Variants in GRB10 observed in about 807,000 individuals in gnomAD.
GRB10 encodes growth factor receptor bound protein 10.
Under a neutral mutation model 80.9 loss-of-function variants are expected in GRB10, and 20 were observed. The ratio of observed to expected loss-of-function variants is 0.25; its 90% confidence interval spans 0.17 to 0.36. The LOEUF (loss-of-function observed/expected upper bound fraction) is 0.36. Ranked by LOEUF, GRB10 falls within the 10% of genes least tolerant of loss-of-function variation. The probability of loss-of-function intolerance (pLI) is 1.00; values close to 1 mark genes in which losing one functional copy is unlikely to be tolerated. For synonymous variants in GRB10, 291 were observed against 291.5 expected (o/e 1.00, Z 0.02); for missense variants, 548 against 747.7 (o/e 0.73, Z 3.12).
intron 8 of GRB10, among the ~76,000 whole-genome samples, chr7:50,621,665 A>G (rs2237441): frequency 0.44 from 66,257 of 152,118 alleles, 16,317 homozygotes; most frequent in South Asian, 0.57. Context: ...TTTTCAAATG[A>G]CCTTGCATGA....
intron 2 of GRB10, among the ~76,000 whole-genome samples, chr7:50,763,193 T>C (rs565621139): frequency 6.6e-6 from 1 of 151,932 alleles, no homozygotes; most frequent in South Asian, 2.1e-4. Flanking sequence ...ATCTCTTCTT[T>C]ACTGAAATAA....
intron 10 of GRB10, 137 bp from the exon 11 acceptor site, chr7:50,616,484 C>T (rs552721881): frequency 1.6e-5 from 13 of 821,578 alleles, no homozygotes; most frequent in Admixed American, 4.7e-5. Flanking sequence ...TTCTCCTTTC[C>T]AAAGTCTTAA....
chr7:50,669,772 G>A lies in GRB10; in HGVS notation c.454C>T (p.Pro152Ser), dbSNP rs200175899. ...FPELCGPGSP[P>S]VLTPGSLPPS... is the part of the protein sequence containing the mutation. Reference sequence around the variant, plus strand: ...GGTAAAGAACCCGGCGTGAGCACAGGGGGGCTCCCAGGGCCACAGAGTTCA... The same window carrying A: ...GGTAAAGAACCCGGCGTGAGCACAGAGGGGCTCCCAGGGCCACAGAGTTCA... The change falls in exon 7 of 19, where the codon CCT becomes TCT. Residue 152 changes from proline (P) to serine (S), a missense_variant. Pro to Ser is a moderately conservative substitution (Grantham distance 74, BLOSUM62 -1). Coordinates refer to ENST00000401949, the MANE Select transcript of GRB10 (RefSeq NM_001350814.2). The A allele has an allele frequency of 3.7e-6, 6 of 1,613,848 alleles. No individual in the cohort carries two copies. Among genetic ancestry groups the A allele is most frequent in the African/African-American group, 2.7e-5 (2 of 74,946 alleles).
chr7:50,628,258 G>A (rs1367458670), intron 7 of GRB10, among the ~76,000 whole-genome samples: 2 of 152,194 alleles, frequency 1.3e-5, no homozygotes, highest in East Asian at 3.9e-4. Flanking sequence ...TGGCAGCTTT[G>A]GAGCTGGATC....
At position 50,710,850 on chromosome 7, in the gene GRB10, T is replaced by A. The variant is rs1052910748; in HGVS notation, c.52-6942A>T. 4 of 1,611,710 alleles carry A rather than the reference T, an allele frequency of 2.5e-6. No homozygotes were observed. The African/African-American group carries it at 4.0e-5, about 16-fold the overall frequency. ...TTGCCCAGCAACTAAAGGTACTGAG[T>A]GTTCGGTAGACAGCGGGCACTGACC... On this transcript the variant is annotated intron_variant, in intron 4 of 18. Transcript: ENST00000401949.
At chr7:50,692,277 G>A (rs1442370527) in intron 5 of GRB10, among the ~76,000 whole-genome samples, 1 of 151,170 alleles carries the variant, frequency 6.6e-6, no homozygotes, top group African/African-American at 2.5e-5. Flanking sequence ...CAGATATCAA[G>A]GGACAACTGT....
chr7:50,664,226 C>A (rs1023332360), intron 7 of GRB10, among the ~76,000 whole-genome samples: 2 of 152,234 alleles, frequency 1.3e-5, no homozygotes, highest in Admixed American at 1.3e-4. Flanking sequence ...CCGAGAAGGC[C>A]TTTGGGACAG....
At chr7:50,638,374 C>T (rs2329488) in intron 7 of GRB10, among the ~76,000 whole-genome samples, 80,105 of 151,922 alleles carry the variant, frequency 0.53, 21,243 homozygotes, top group Admixed American at 0.54. Context: ...GAATCTAAAA[C>T]GAACTCAAAC....
rs1399391436 is a variant in GRB10, at chr7:50,741,996, A to G, written c.-46-9628T>C. ...AGAAATAAATTTTGAACATTACTGA[A>G]ATTTTAATTTTTACAAAAAAAAAAA... On this transcript the variant is annotated intron_variant, in intron 3 of 18. Coordinates refer to ENST00000401949, the MANE Select transcript of GRB10 (RefSeq NM_001350814.2). Among the ~76,000 whole-genome samples the G allele has an allele frequency of 2.6e-5, 4 of 152,004 alleles. No homozygotes were observed. In the East Asian group the frequency reaches 7.7e-4, roughly 29 times the overall value.
intron 5 of GRB10, among the ~76,000 whole-genome samples, chr7:50,689,937 T>C (rs545809154): frequency 2.6e-5 from 4 of 151,840 alleles, no homozygotes; most frequent in Non-Finnish European, 5.9e-5. Flanking sequence ...GGAAGCATTC[T>C]ACTTATCTGG....
chr7:50,683,863 C>T (rs1394039411), intron 5 of GRB10, among the ~76,000 whole-genome samples: 1 of 151,950 alleles, frequency 6.6e-6, no homozygotes, highest in Admixed American at 6.6e-5. Context: ...TGAATTGTTC[C>T]CAGGTTACCC....
chr7:50,694,169 C>T (rs2063164807), intron 5 of GRB10, among the ~76,000 whole-genome samples: 1 of 152,150 alleles, frequency 6.6e-6, no homozygotes, highest in Admixed American at 6.5e-5. Flanking sequence ...ACCCAAAATA[C>T]AAAAATTAGC....
chr7:50,605,038 C>A, intron 15 of GRB10: 1 of 541,720 alleles, frequency 1.8e-6, no homozygotes, highest in Non-Finnish European at 3.3e-6. Flanking sequence ...CCACGGAGGG[C>A]AGAGAACTCT....
chr7:50,731,100 A>T (rs891544863), intron 4 of GRB10, among the ~76,000 whole-genome samples: 3 of 152,182 alleles, frequency 2.0e-5, no homozygotes, highest in African/African-American at 7.2e-5. Context: ...CAAGAAGACA[A>T]TTATGCAGAG....
chr7:50,691,459 T>C (rs978414700), intron 5 of GRB10, among the ~76,000 whole-genome samples: 5 of 152,202 alleles, frequency 3.3e-5, no homozygotes, highest in Admixed American at 3.3e-4. Context: ...GCCTACCTCA[T>C]AGGATAGGTA....
At chr7:50,686,538 A>G (rs2062123296) in intron 5 of GRB10, among the ~76,000 whole-genome samples, 2 of 152,192 alleles carry the variant, frequency 1.3e-5, no homozygotes, top group Admixed American at 6.5e-5. Flanking sequence ...GTTTTGATGA[A>G]CAAAGTATGG....
At chr7:50,693,677 G>A (rs1449449629) in intron 5 of GRB10, among the ~76,000 whole-genome samples, 1 of 152,048 alleles carries the variant, frequency 6.6e-6, no homozygotes, top group Non-Finnish European at 1.5e-5. Flanking sequence ...GCTTTACTAC[G>A]ACAATCACAC....
At chr7:50,707,382 C>T (rs1384640779) in intron 4 of GRB10, among the ~76,000 whole-genome samples, 1 of 152,192 alleles carries the variant, frequency 6.6e-6, no homozygotes, top group South Asian at 2.1e-4. Flanking sequence ...TTACACACAT[C>T]CAAGTGTTTC....
chr7:50,692,038 A>G (rs1464467381), intron 5 of GRB10, among the ~76,000 whole-genome samples: 1 of 152,222 alleles, frequency 6.6e-6, no homozygotes, highest in African/African-American at 2.4e-5. Flanking sequence ...AATATTAAGA[A>G]AAACAGAGTG....
Sources: gnomAD v4.1 joint callset for allele counts (sites outside exome capture counted in the v4.1 genomes callset) on GRCh38, gnomAD v4.1.1 for gene constraint, MANE v1.5 for transcripts, NCBI Gene and HGNC (gene_info 2026-07-23, HGNC 2026-07-21) for gene names.